R3HCC1: variants seen among roughly 807,000 people sequenced by gnomAD.
R3HCC1 encodes R3H domain and coiled-coil containing 1.
R3HCC1 carries 32 observed loss-of-function variants against 40.0 expected under a neutral mutation model. The observed-to-expected ratio is 0.80, with a 90% CI of 0.60 to 1.07. The LOEUF (loss-of-function observed/expected upper bound fraction) is 1.07. Among genes scored for constraint, R3HCC1 ranks in the 50% least tolerant of loss-of-function variants. The probability of loss-of-function intolerance (pLI) is 0.00; values close to 1 mark genes in which losing one functional copy is unlikely to be tolerated. For synonymous variants in R3HCC1, 237 were observed against 232.8 expected, an observed-to-expected ratio of 1.02 and a Z score of -0.17; for missense variants, 586 against 563.3, an observed-to-expected ratio of 1.04 and a Z score of -0.41.
rs1028197342 is a variant in R3HCC1 at position 23,296,006 on chromosome 8, C to G, written c.1232C>G (p.Ala411Gly). The G allele has an allele frequency of 6.4e-7, 1 of 1,550,884 alleles. No individual in the cohort carries two copies. The highest frequency in any genetic ancestry group is 8.7e-7 in the Non-Finnish European group (1 of 1,146,784). Residue 411 changes from alanine (A) to glycine (G), a missense_variant, in exon 8 of 8, where the codon GCG becomes GGG. By Grantham distance (60) the Ala-to-Gly change is moderately conservative. Transcript: ENST00000265806. Reference sequence around the variant, plus strand: ...GTGAAGGAGAGGCCACAGACAAATGCGACTGTGGCCCGGCGGCTGGTGGCC... The same window carrying G: ...GTGAAGGAGAGGCCACAGACAAATGGGACTGTGGCCCGGCGGCTGGTGGCC...
Position 23,293,655 on chromosome 8 carries a change from A to G in R3HCC1, c.1096+282A>G, listed in dbSNP as rs79745081. Among the ~76,000 whole-genome samples, 591 of 152,334 alleles carry G rather than the reference A, an allele frequency of 3.9e-3. 3 individuals are homozygous for G. Among genetic ancestry groups the G allele is most frequent in the African/African-American group, 0.013 (552 of 41,572 alleles). ...TGAGGAAGGTCGTGAGCCAAGCCCA[A>G]CGGATGTCCCTGTGTTAAATGAAAC... is the stretch of plus-strand genomic sequence containing the variant. On this transcript the variant is annotated intron_variant, in intron 6 of 7. Coordinates refer to ENST00000265806, the MANE Select transcript of R3HCC1 (RefSeq NM_001136108.3).
rs1007574673 is a variant in R3HCC1, at chr8:23,288,343, C to T, written c.-18-163C>T. On this transcript the variant is annotated intron_variant, in intron 1 of 7. Coordinates refer to ENST00000265806, the MANE Select transcript of R3HCC1 (RefSeq NM_001136108.3). ...AGCCTTGGGCAGGAGCCAGGAGACCCCTTCCCTGACCCCTGACTTGCCGGG... is the reference window on the plus strand; with the variant it reads ...AGCCTTGGGCAGGAGCCAGGAGACCTCTTCCCTGACCCCTGACTTGCCGGG... 6.1e-6 allele frequency: 7 copies of T among 1,149,206 alleles called. No individual in the cohort carries two copies. In the African/African-American group the frequency reaches 7.7e-5, roughly 13 times the overall value. The allele number at this position is 1,149,206 out of a possible 1,614,324, so 71.2% of individuals were successfully genotyped here. A position where few individuals can be genotyped will look rare whatever the true frequency, so the allele number is the denominator to read the frequency against.
rs2117119722 is a variant in R3HCC1, at chr8:23,289,893, C to A, written c.276C>A (p.Gly92=). Residue 92 remains glycine (G), a synonymous_variant, in exon 4 of 8, where the codon GGC becomes GGA. Transcript: ENST00000265806. Reference sequence around the variant, plus strand: ...TACCCAGTTCGGATGGCCTCTCTGGCCCCTGCCGCGCTCCTGCCTCCTGCC... The same window carrying A: ...TACCCAGTTCGGATGGCCTCTCTGGACCCTGCCGCGCTCCTGCCTCCTGCC... 1.3e-6 allele frequency: 2 copies of A among 1,527,912 alleles called. No individual in the cohort carries two copies. The highest frequency in any genetic ancestry group is 2.0e-5 in the Admixed American group (1 of 50,414). The allele number at this position is 1,527,912 out of a possible 1,614,324, so 94.6% of individuals were successfully genotyped here.
chr8:23,293,894 A>G (rs1020064208), intron 6 of R3HCC1, among the ~76,000 whole-genome samples: 5 of 152,120 alleles, frequency 3.3e-5, no homozygotes, highest in African/African-American at 1.2e-4. Flanking sequence ...GGGGCACCAC[A>G]CTGCCTCATG....
intron 3 of R3HCC1, 92 bp downstream of exon 3, chr8:23,289,245 A>T: frequency 7.1e-7 from 1 of 1,406,018 alleles, no homozygotes; most frequent in Non-Finnish European, 9.6e-7. Flanking sequence ...GCTGGGGGGA[A>T]CCAGGGCTGG....
intron 1 of R3HCC1, 75 bp from the exon 2 acceptor site, chr8:23,288,431 G>A: frequency 1.3e-6 from 2 of 1,516,802 alleles, no homozygotes; most frequent in East Asian, 2.5e-5. Context: ...GGCCCTTTCG[G>A]TGCCGGCGTT....
chr8:23,293,158 A>G (rs11135720), intron 5 of R3HCC1, 145 bp from the exon 6 acceptor site: 331,995 of 598,714 alleles, frequency 0.55, 94,216 homozygotes, highest in East Asian at 0.78. Context: ...GCTGCAAATG[A>G]TTGTCTCCGT....
chr8:23,293,861 A>G (rs754531663), intron 6 of R3HCC1, among the ~76,000 whole-genome samples: 1 of 152,174 alleles, frequency 6.6e-6, no homozygotes, highest in South Asian at 2.1e-4. Flanking sequence ...TCCAAGTTAC[A>G]CAGCCTCTCA....
Position 23,291,480 on chromosome 8 carries a change from C to A in R3HCC1, c.972C>A (p.Asp324Glu). 1 of 1,551,628 alleles carries A rather than the reference C, an allele frequency of 6.4e-7. No homozygotes were observed. Among genetic ancestry groups the A allele is most frequent in the African/African-American group, 1.4e-5 (1 of 73,180 alleles). ...TTGCCCACGTGGTAGAGATCTATGA[C>A]TTTGAACCAGCGCTCAAGACGGAGG... The change falls in exon 5 of 8, where the codon GAC becomes GAA. Residue 324 changes from aspartate to glutamate, a missense_variant. Physicochemically the swap from Asp to Glu is conservative, Grantham distance 45. Transcript: ENST00000265806.
rs1466126273 is a variant in R3HCC1, at chr8:23,294,877, C to T, written c.1192+13C>T. On this transcript the variant is annotated intron_variant, in intron 7 of 7. Coordinates refer to ENST00000265806, the MANE Select transcript of R3HCC1 (RefSeq NM_001136108.3). ...TTGCAGAGGCCAAGTAAGGAAAGCG[C>T]ATGTCCCTGAATAGGGAGGCTGTGT... is the stretch of plus-strand genomic sequence containing the variant. 6.5e-7 allele frequency: 1 copy of T among 1,535,980 alleles called. No individual in the cohort carries two copies. The highest frequency in any genetic ancestry group is 1.7e-4 in the Middle Eastern group (1 of 5,966).
At chr8:23,291,271 T>G in intron 4 of R3HCC1, 90 bp from the exon 5 acceptor site, 4 of 1,455,988 alleles carry the variant, frequency 2.7e-6, no homozygotes, top group Non-Finnish European at 3.6e-6. Flanking sequence ...GGTGGGCCCC[T>G]TCTCCCTGCA....
intron 5 of R3HCC1, among the ~76,000 whole-genome samples, chr8:23,291,839 C>T (rs895888887): frequency 6.6e-6 from 1 of 152,222 alleles, no homozygotes; most frequent in African/African-American, 2.4e-5. Context: ...ACATGGCAGC[C>T]TCCTCTTCTC....
At position 23,289,142 on chromosome 8, in the gene R3HCC1, C is replaced by T; in HGVS notation, c.237C>T (p.His79=). ...GGAAGAGGAGGACGGTCATCTGTCA[C>T]CAGGACATCAGGTGTGTAGCCTCCC... is the stretch of plus-strand genomic sequence containing the variant. The change falls in exon 3 of 8, where the codon CAC becomes CAT. Residue 79 remains histidine (H), a synonymous_variant. Coordinates refer to ENST00000265806, the MANE Select transcript of R3HCC1 (RefSeq NM_001136108.3). The T allele has an allele frequency of 6.5e-7, 1 of 1,536,236 alleles. No individual in the cohort carries two copies.
At chr8:23,291,698 G>A (rs1023175357) in intron 5 of R3HCC1, among the ~76,000 whole-genome samples, 165 bp downstream of exon 5, 1 of 152,216 alleles carries the variant, frequency 6.6e-6, no homozygotes, top group Non-Finnish European at 1.5e-5. Context: ...TCTCCCTGCC[G>A]GCCGTCCCTC....
Position 23,291,424 on chromosome 8 carries a change from T to G in R3HCC1, c.916T>G (p.Phe306Val), listed in dbSNP as rs1159295827. ...GAAGATCCATTTGGACACATCCTCC[T>G]TCGTGGAGGAGCTGCCTGGAGAGAA... The change falls in exon 5 of 8, where the codon TTC becomes GTC. Residue 306 changes from phenylalanine (F) to valine (V), a missense_variant. Physicochemically the swap from Phe to Val is conservative, Grantham distance 50. Transcript: ENST00000265806. 8 of 1,551,628 alleles carry G rather than the reference T, an allele frequency of 5.2e-6. No individual in the cohort carries two copies. The highest frequency in any genetic ancestry group is 6.1e-6 in the Non-Finnish European group (7 of 1,146,848).
intron 5 of R3HCC1, among the ~76,000 whole-genome samples, chr8:23,291,842 C>T (rs1364289194): frequency 2.0e-5 from 3 of 152,232 alleles, no homozygotes; most frequent in African/African-American, 7.2e-5. Flanking sequence ...TGGCAGCCTC[C>T]TCTTCTCCTC....
At position 23,288,126 on chromosome 8, in the gene R3HCC1, C is replaced by T. The variant is rs1354745245; in HGVS notation, c.-50C>T. On this transcript the variant is annotated 5_prime_UTR_variant, in exon 1 of 8. Transcript: ENST00000265806. ...CGGGCGCGCTGGCCCCTGGGGACGC[C>T]GAGGGCGGCTGCGACGCGCCGAGAG... The T allele has an allele frequency of 5.6e-6, 7 of 1,257,448 alleles. No individual in the cohort carries two copies. The Admixed American group carries it at 1.1e-4, about 19-fold the overall frequency. The allele number at this position is 1,257,448 out of a possible 1,614,324, so 77.9% of individuals were successfully genotyped here.
At chr8:23,291,077 C>A in intron 4 of R3HCC1, 1 of 289,232 alleles carries the variant, frequency 3.5e-6, no homozygotes, top group Non-Finnish European at 6.5e-6. Flanking sequence ...CTTCAGTTTC[C>A]CCATCTGTAA....
In R3HCC1 at chr8:23,294,660, C is replaced by T. The variant is rs1802949926; in HGVS notation, c.1097-109C>T. On this transcript the variant is annotated intron_variant, in intron 6 of 7. Coordinates refer to ENST00000265806, the MANE Select transcript of R3HCC1 (RefSeq NM_001136108.3). Reference sequence around the variant, plus strand: ...CAGGGCGGTGTCGGAGCAGCCCTGCCCTGAGCTTTGAATAGGTGCACAACA... The same window carrying T: ...CAGGGCGGTGTCGGAGCAGCCCTGCTCTGAGCTTTGAATAGGTGCACAACA... 4.8e-6 allele frequency: 4 copies of T among 836,048 alleles called. No homozygotes were observed. The East Asian group carries it at 1.1e-4, about 22-fold the overall frequency. 51.8% of individuals were successfully genotyped at this position (836,048 alleles called of 1,614,324 possible). A position where few individuals can be genotyped will look rare whatever the true frequency, so the allele number is the denominator to read the frequency against.
Sources: gnomAD v4.1 joint callset for allele counts (sites outside exome capture counted in the v4.1 genomes callset) on GRCh38, gnomAD v4.1.1 for gene constraint, MANE v1.5 for transcripts, NCBI Gene and HGNC (gene_info 2026-07-23, HGNC 2026-07-21) for gene names.